The following PIWIL2 variants were observed in gnomAD, a reference collection of about 807,000 sequenced individuals.
PIWIL2 encodes the protein piwi like RNA-mediated gene silencing 2, also known as piwi-like protein 2.
Under a neutral mutation model 116.5 loss-of-function variants are expected in PIWIL2, and 81 were observed. The observed-to-expected ratio is 0.70, with a 90% CI of 0.58 to 0.84. The LOEUF is 0.84. Ranked by LOEUF, PIWIL2 falls within the 40% of genes least tolerant of loss-of-function variation. The probability of loss-of-function intolerance (pLI) is 0.00; values close to 1 mark genes in which losing one functional copy is unlikely to be tolerated. For synonymous variants in PIWIL2, 489 were observed against 429.5 expected (o/e 1.14, Z -1.71); for missense variants, 1,272 against 1,212.3 (o/e 1.05, Z -0.73).
intron 20 of PIWIL2, chr8:22,322,013 C>T (rs1831610868): frequency 1.0e-6 from 1 of 981,470 alleles, no homozygotes; most frequent in Admixed American, 6.2e-5. Context: ...CTTCCAAATA[C>T]TGTTTTGGTT....
chr8:22,356,322 A>G lies in PIWIL2; in HGVS notation c.*817A>G, dbSNP rs900854082. ...GCGTGTAGTAAAATCAGTTTGTGGC[A>G]TAGGTCGGCCCTTGCTGACTAAATC... On this transcript the variant is annotated 3_prime_UTR_variant, in exon 23 of 23. Coordinates refer to ENST00000356766, the MANE Select transcript of PIWIL2 (RefSeq NM_018068.5). 6.6e-6 allele frequency: 1 copy of G among 152,200 alleles called. No homozygotes were observed. Among genetic ancestry groups the G allele is most frequent in the African/African-American group, 2.4e-5 (1 of 41,452 alleles). The allele number at this position is 152,200 out of a possible 1,614,324, so 9.4% of individuals were successfully genotyped here.
intron 7 of PIWIL2, among the ~76,000 whole-genome samples, chr8:22,288,023 G>C (rs1297342522): frequency 2.0e-5 from 3 of 152,172 alleles, no homozygotes; most frequent in Admixed American, 1.3e-4. Flanking sequence ...TGTAGGCCGG[G>C]TGCGGTGGCT....
At chr8:22,278,911 C>G (rs989222477) in intron 1 of PIWIL2, among the ~76,000 whole-genome samples, 1 of 152,164 alleles carries the variant, frequency 6.6e-6, no homozygotes, top group Non-Finnish European at 1.5e-5. Context: ...TCTCCCATCA[C>G]CCACAGATGG....
intron 20 of PIWIL2, among the ~76,000 whole-genome samples, chr8:22,349,523 T>G (rs1042482523): frequency 6.6e-6 from 1 of 151,346 alleles, no homozygotes; most frequent in Admixed American, 6.6e-5. Flanking sequence ...ACTGAAGAAA[T>G]TGAGTCTTGA....
intron 10 of PIWIL2, among the ~76,000 whole-genome samples, chr8:22,299,399 G>C (rs573322231): frequency 6.6e-6 from 1 of 151,746 alleles, no homozygotes; most frequent in South Asian, 2.1e-4. Context: ...GTAGAGACAG[G>C]GTTTCTCCAT....
intron 20 of PIWIL2, among the ~76,000 whole-genome samples, chr8:22,351,515 T>G (rs565249614): frequency 1.5e-5 from 2 of 133,876 alleles, no homozygotes; most frequent in African/African-American, 5.3e-5. Flanking sequence ...ATAATTTAGG[T>G]TTTTTTGGTG....
At chr8:22,310,293 T>C (rs1469593342) in intron 15 of PIWIL2, among the ~76,000 whole-genome samples, 1 of 152,194 alleles carries the variant, frequency 6.6e-6, no homozygotes, top group Non-Finnish European at 1.5e-5. Context: ...AGGAAATAAA[T>C]TGCTGTGGTA....
chr8:22,324,546 A>C (rs1831679685), intron 20 of PIWIL2, among the ~76,000 whole-genome samples: 1 of 152,088 alleles, frequency 6.6e-6, no homozygotes, highest in African/African-American at 2.4e-5. Context: ...TGTGAACCCC[A>C]GTTTTGCCAG....
intron 20 of PIWIL2, among the ~76,000 whole-genome samples, chr8:22,337,519 A>G (rs1207684286): frequency 6.7e-6 from 1 of 149,704 alleles, no homozygotes; most frequent in African/African-American, 2.5e-5. Context: ...ACCTGAGGTC[A>G]GGAGTTTGGA....
chr8:22,347,048 G>A (rs561965187), intron 20 of PIWIL2, among the ~76,000 whole-genome samples: 8 of 151,920 alleles, frequency 5.3e-5, no homozygotes, highest in African/African-American at 1.7e-4. Flanking sequence ...GTATATGCCT[G>A]TAGTCTCAGC....
rs566061266 is a variant in PIWIL2, at chr8:22,324,078, A to G, written c.2403+5803A>G. On this transcript the variant is annotated intron_variant, in intron 20 of 22. Transcript: ENST00000356766. ...GGAGTTCAAGACCAGCCTGACCAACATGATGAAACCCTGTCTTTACTAAAA... is the reference window on the plus strand; with the variant it reads ...GGAGTTCAAGACCAGCCTGACCAACGTGATGAAACCCTGTCTTTACTAAAA... Among the ~76,000 whole-genome samples, 7 of 152,270 alleles carry G rather than the reference A, an allele frequency of 4.6e-5. No homozygotes were observed. In the South Asian group the frequency reaches 8.3e-4, roughly 18 times the overall value.
intron 10 of PIWIL2, among the ~76,000 whole-genome samples, chr8:22,301,475 G>A (rs1454532812): frequency 6.6e-6 from 1 of 151,840 alleles, no homozygotes; most frequent in Admixed American, 6.6e-5. Context: ...TGTACTTTTA[G>A]TAGAGATGGG....
At position 22,287,577 on chromosome 8, in the gene PIWIL2, C is replaced by G; in HGVS notation, c.793C>G (p.Gln265Glu). 1 of 1,613,968 alleles carries G rather than the reference C, an allele frequency of 6.2e-7. No individual in the cohort carries two copies. Among genetic ancestry groups the G allele is most frequent in the African/African-American group, 1.3e-5 (1 of 75,034 alleles). Residue 265 changes from glutamine to glutamate, a missense_variant, in exon 7 of 23, where the codon CAA becomes GAA. Transcript: ENST00000356766. ...GAGGTTCGGCATGTTGAAGGACCAT[C>G]AAGCTGTCACCGGCAACGTCACTGC... Reference protein sequence around the residue: ...SMRFGMLKDHQAVTGNVTAFD... With the variant: ...SMRFGMLKDHEAVTGNVTAFD...
At chr8:22,330,697 A>AAAATAAATAAAT (rs3992768) in intron 20 of PIWIL2, among the ~76,000 whole-genome samples, 3,493 of 137,112 alleles carry the variant, frequency 0.025, 82 homozygotes, top group East Asian at 0.054. Context: ...ACTCTGTCTC[A>AAAATAAATAAAT]AAATAAATAA....
chr8:22,328,944 T>C (rs1831795903), intron 20 of PIWIL2, among the ~76,000 whole-genome samples: 1 of 151,976 alleles, frequency 6.6e-6, no homozygotes, highest in Non-Finnish European at 1.5e-5. Context: ...TTTCTTAATT[T>C]GCTTAGTTTA....
intron 10 of PIWIL2, among the ~76,000 whole-genome samples, chr8:22,294,427 G>A (rs1434475449): frequency 4.0e-5 from 6 of 149,060 alleles, no homozygotes; most frequent in African/African-American, 1.5e-4. Flanking sequence ...AGATCATGAA[G>A]TCAGGCGATC....
intron 20 of PIWIL2, among the ~76,000 whole-genome samples, chr8:22,343,287 C>A (rs1563425354): frequency 6.6e-6 from 1 of 152,116 alleles, no homozygotes; most frequent in Non-Finnish European, 1.5e-5. Flanking sequence ...GACTGTAATC[C>A]TGTAATCCTG....
At chr8:22,308,218 CAG>C (rs1359648111) in intron 14 of PIWIL2, 145 bp downstream of exon 14, 11 of 602,998 alleles carry the variant, frequency 1.8e-5, no homozygotes, top group Admixed American at 3.4e-5. Flanking sequence ...TTTTTTGAGA[CAG>C]AGTCTTATTG....
intron 18 of PIWIL2, among the ~76,000 whole-genome samples, chr8:22,315,827 C>G (rs1831445045): frequency 6.6e-6 from 1 of 152,082 alleles, no homozygotes; most frequent in Non-Finnish European, 1.5e-5. Flanking sequence ...TACTTGGGAC[C>G]AGAAGCATTT....
Sources: gnomAD v4.1 joint callset for allele counts (sites outside exome capture counted in the v4.1 genomes callset) on GRCh38, gnomAD v4.1.1 for gene constraint, MANE v1.5 for transcripts, NCBI Gene and HGNC (gene_info 2026-07-23, HGNC 2026-07-21) for gene names.